Variants in LRRC4C observed in about 807,000 individuals in gnomAD.
LRRC4C encodes leucine-rich repeat-containing protein 4C.
In LRRC4C, 5 loss-of-function variants were observed where a neutral mutation model predicts 33.6. That is an observed-to-expected ratio of 0.15 (90% CI 0.08 to 0.31). The LOEUF (loss-of-function observed/expected upper bound fraction) is 0.31. Among genes scored for constraint, LRRC4C ranks in the 10% least tolerant of loss-of-function variants. LRRC4C has a pLI of 1.00. For synonymous variants in LRRC4C, 329 were observed against 302.0 expected, an observed-to-expected ratio of 1.09 and a Z score of -0.93; for missense variants, 560 against 796.7, an observed-to-expected ratio of 0.70 and a Z score of 3.58.
intron 2 of LRRC4C, among the ~76,000 whole-genome samples, chr11:40,909,907 T>C (rs1956591527): frequency 6.6e-6 from 1 of 152,180 alleles, no homozygotes; most frequent in Non-Finnish European, 1.5e-5. Flanking sequence ...ACTTTTAGTG[T>C]CTTAGAAAAT....
intron 4 of LRRC4C, among the ~76,000 whole-genome samples, chr11:40,263,956 G>A (rs7944956): frequency 5.3e-5 from 8 of 152,138 alleles, no homozygotes; most frequent in Admixed American, 2.0e-4. Context: ...TTATCCTTCC[G>A]CGCCCAGTCC....
chr11:40,695,108 A>T (rs1945426353), intron 2 of LRRC4C, among the ~76,000 whole-genome samples: 1 of 152,166 alleles, frequency 6.6e-6, no homozygotes, highest in Non-Finnish European at 1.5e-5. Flanking sequence ...ACCAACTCTA[A>T]TGCAGTACAA....
At chr11:40,697,662 T>C (rs1030956778) in intron 2 of LRRC4C, among the ~76,000 whole-genome samples, 1 of 152,196 alleles carries the variant, frequency 6.6e-6, no homozygotes, top group African/African-American at 2.4e-5. Flanking sequence ...CCTTTAAGTA[T>C]TGGTTAAGAA....
chr11:40,231,162 T>C (rs1865168150), intron 5 of LRRC4C, among the ~76,000 whole-genome samples: 1 of 152,108 alleles, frequency 6.6e-6, no homozygotes, highest in African/African-American at 2.4e-5. Flanking sequence ...AGCCCAAAAG[T>C]TCAAGACCAA....
At chr11:40,907,081 G>A (rs1956456570) in intron 2 of LRRC4C, among the ~76,000 whole-genome samples, 2 of 152,174 alleles carry the variant, frequency 1.3e-5, no homozygotes, top group Admixed American at 6.5e-5. Context: ...ATAGAGATAT[G>A]CAAGTATATC....
chr11:40,639,126 T>G (rs979938579), intron 3 of LRRC4C, among the ~76,000 whole-genome samples: 17 of 151,566 alleles, frequency 1.1e-4, no homozygotes, highest in Admixed American at 7.9e-4. Flanking sequence ...CTTGCAGATA[T>G]CTTACCCCCA....
At chr11:40,975,197 C>G (rs1592234954) in intron 1 of LRRC4C, among the ~76,000 whole-genome samples, 1 of 152,174 alleles carries the variant, frequency 6.6e-6, no homozygotes, top group Non-Finnish European at 1.5e-5. Context: ...TTTCATTAAA[C>G]AAGCACATAT....
intron 5 of LRRC4C, among the ~76,000 whole-genome samples, chr11:40,238,896 A>G (rs1453690406): frequency 6.6e-6 from 1 of 152,188 alleles, no homozygotes; most frequent in Non-Finnish European, 1.5e-5. Context: ...AAATAAATCA[A>G]CAGTTGATAA....
intron 3 of LRRC4C, among the ~76,000 whole-genome samples, chr11:40,560,869 G>A (rs1025053010): frequency 2.0e-5 from 3 of 152,120 alleles, no homozygotes; most frequent in African/African-American, 7.2e-5. Context: ...AATCCTCTGA[G>A]CCTCAGTTAC....
At chr11:41,089,848 T>C (rs1940276275) in intron 1 of LRRC4C, among the ~76,000 whole-genome samples, 4 of 152,078 alleles carry the variant, frequency 2.6e-5, no homozygotes, top group Middle Eastern at 3.4e-3. Flanking sequence ...TAAAGAAAAA[T>C]ATAGATTTCT....
At chr11:40,751,674 G>T (rs1243308244) in intron 2 of LRRC4C, among the ~76,000 whole-genome samples, 5 of 151,968 alleles carry the variant, frequency 3.3e-5, no homozygotes, top group African/African-American at 9.7e-5. Flanking sequence ...CGATCATACT[G>T]CCCAAAGCAA....
chr11:40,897,649 G>T lies in LRRC4C; in HGVS notation c.-407+35986C>A, dbSNP rs533054157. 3.9e-5 allele frequency among the ~76,000 whole-genome samples: 6 copies of T among 152,260 alleles called. No individual in the cohort carries two copies. The South Asian group carries it at 1.2e-3, about 32-fold the overall frequency. ...TTATCCCATGTTTGGCATTTGCATGGGATGACAGAAGAAGGAACACTTCTG... is the reference window on the plus strand; with the variant it reads ...TTATCCCATGTTTGGCATTTGCATGTGATGACAGAAGAAGGAACACTTCTG... On this transcript the variant is annotated intron_variant, in intron 2 of 6. Transcript: ENST00000528697.
At chr11:40,420,655 A>G (rs764740700) in intron 3 of LRRC4C, among the ~76,000 whole-genome samples, 2 of 152,240 alleles carry the variant, frequency 1.3e-5, no homozygotes, top group Non-Finnish European at 2.9e-5. Context: ...CACTAATTCA[A>G]TGCTTACTAA....
At chr11:40,372,640 C>A (rs927777696) in intron 3 of LRRC4C, among the ~76,000 whole-genome samples, 1 of 152,142 alleles carries the variant, frequency 6.6e-6, no homozygotes, top group African/African-American at 2.4e-5. Flanking sequence ...GCTAACACCC[C>A]AGTCATCCTG....
intron 1 of LRRC4C, among the ~76,000 whole-genome samples, chr11:41,241,920 A>G (rs1948266358): frequency 6.6e-6 from 1 of 152,186 alleles, no homozygotes; most frequent in Non-Finnish European, 1.5e-5. Flanking sequence ...CTTTGCAGAC[A>G]TTTCTTTGAC....
chr11:41,403,797 T>C (rs186301246), intron 1 of LRRC4C, among the ~76,000 whole-genome samples: 6 of 152,250 alleles, frequency 3.9e-5, no homozygotes, highest in Non-Finnish European at 7.4e-5. Context: ...CACTGTTGAT[T>C]ACATTTTTAC....
At chr11:41,165,105 A>C (rs1944661395) in intron 1 of LRRC4C, among the ~76,000 whole-genome samples, 1 of 152,064 alleles carries the variant, frequency 6.6e-6, no homozygotes, top group African/African-American at 2.4e-5. Flanking sequence ...TCTTTATTGG[A>C]TCACCAATAA....
At chr11:40,151,831 C>A (rs111572087) in intron 5 of LRRC4C, among the ~76,000 whole-genome samples, 2 of 152,122 alleles carry the variant, frequency 1.3e-5, no homozygotes, top group Non-Finnish European at 2.9e-5. Flanking sequence ...AGAAGATACT[C>A]CAGAAATTCT....
chr11:41,189,955 C>T (rs1230075627), intron 1 of LRRC4C, among the ~76,000 whole-genome samples: 1 of 152,174 alleles, frequency 6.6e-6, no homozygotes, highest in African/African-American at 2.4e-5. Context: ...TATTGGGTTG[C>T]TCCCTGACAA....
Sources: allele counts gnomAD v4.1 joint callset (sites outside exome capture counted in the v4.1 genomes callset), GRCh38; gene constraint gnomAD v4.1.1; transcripts MANE v1.5; gene names NCBI Gene and HGNC (gene_info 2026-07-23, HGNC 2026-07-21).